ST6GALNAC3: variants seen among roughly 807,000 people sequenced by gnomAD.
ST6GALNAC3 encodes ST6 N-acetylgalactosaminide alpha-2,6-sialyltransferase 3.
Under a neutral mutation model 32.7 loss-of-function variants are expected in ST6GALNAC3, and 25 were observed. The ratio of observed to expected loss-of-function variants is 0.76; its 90% CI spans 0.56 to 1.07. ST6GALNAC3 has a LOEUF of 1.07. Among genes scored for constraint, ST6GALNAC3 ranks in the 50% least tolerant of loss-of-function variants. ST6GALNAC3 has a pLI of 0.00. For synonymous variants in ST6GALNAC3, 129 were observed against 133.1 expected (o/e 0.97, Z 0.21); for missense variants, 355 against 382.4 (o/e 0.93, Z 0.60).
At chr1:76,566,451 C>G (rs1476707842) in intron 3 of ST6GALNAC3, among the ~76,000 whole-genome samples, 1 of 152,104 alleles carries the variant, frequency 6.6e-6, no homozygotes, top group African/African-American at 2.4e-5. Context: ...TACAATGGCC[C>G]TGCAGGTTCC....
At chr1:76,466,004 C>T (rs1254039660) in intron 3 of ST6GALNAC3, among the ~76,000 whole-genome samples, 1 of 152,002 alleles carries the variant, frequency 6.6e-6, no homozygotes, top group Non-Finnish European at 1.5e-5. Flanking sequence ...TCTACAAGGA[C>T]CATTAGCTTA....
intron 1 of ST6GALNAC3, among the ~76,000 whole-genome samples, chr1:76,159,846 C>T (rs1651705281): frequency 6.6e-6 from 1 of 152,110 alleles, no homozygotes; most frequent in Admixed American, 6.5e-5. Context: ...TTTAATTTCC[C>T]CATCAACCCT....
At chr1:76,520,740 G>A (rs1422314701) in intron 3 of ST6GALNAC3, among the ~76,000 whole-genome samples, 1 of 151,914 alleles carries the variant, frequency 6.6e-6, no homozygotes, top group African/African-American at 2.4e-5. Context: ...ACTGTGATAT[G>A]ACCTTGTTTA....
At chr1:76,198,219 A>G (rs992309163) in intron 1 of ST6GALNAC3, among the ~76,000 whole-genome samples, 1 of 152,088 alleles carries the variant, frequency 6.6e-6, no homozygotes. Context: ...AAAAATTAGT[A>G]GATATGAAGT....
chr1:76,272,324 GAAAAAA>G (rs55839101), intron 1 of ST6GALNAC3, among the ~76,000 whole-genome samples: 20 of 112,060 alleles, frequency 1.8e-4, no homozygotes, highest in Non-Finnish European at 8.7e-5. Flanking sequence ...CTCAGTCTCG[GAAAAAA>G]AAAAAAAAAA....
Position 76,509,571 on chromosome 1 carries a change from A to G in ST6GALNAC3, c.623+97154A>G, listed in dbSNP as rs1661705034. ...AGTTAGGGGAATGTGTTAGTTTTCT[A>G]TTGCTGCTATAACAAATTATCACCA... On this transcript the variant is annotated intron_variant, in intron 3 of 4. Coordinates refer to ENST00000328299, the MANE Select transcript of ST6GALNAC3 (RefSeq NM_152996.4). The surrounding 1 kb of genome is among the most constrained non-coding windows in gnomAD (Gnocchi z 5.5). 6.6e-6 allele frequency among the ~76,000 whole-genome samples: 1 copy of G among 152,222 alleles called. No homozygotes were observed. Among genetic ancestry groups the G allele is most frequent in the Non-Finnish European group, 1.5e-5 (1 of 68,030 alleles).
intron 1 of ST6GALNAC3, among the ~76,000 whole-genome samples, chr1:76,130,554 G>A (rs995404510): frequency 6.6e-6 from 1 of 152,346 alleles, no homozygotes; most frequent in Admixed American, 6.5e-5. Flanking sequence ...ACCTGCTCAT[G>A]TAGTTGACCC....
intron 3 of ST6GALNAC3, among the ~76,000 whole-genome samples, chr1:76,493,049 T>C (rs2101698107): frequency 6.6e-6 from 1 of 152,130 alleles, no homozygotes; most frequent in African/African-American, 2.4e-5. Context: ...TTTTTTCTTA[T>C]TTTAAAGGTA....
intron 3 of ST6GALNAC3, among the ~76,000 whole-genome samples, chr1:76,428,500 C>T (rs1655543933): frequency 6.6e-6 from 1 of 151,996 alleles, no homozygotes; most frequent in South Asian, 2.1e-4. Flanking sequence ...AATGAGCCTA[C>T]TTCATGGTTG....
At chr1:76,580,366 C>T (rs528515451) in intron 3 of ST6GALNAC3, among the ~76,000 whole-genome samples, 1 of 152,242 alleles carries the variant, frequency 6.6e-6, no homozygotes, top group South Asian at 2.1e-4. Flanking sequence ...CTCCCTTTCA[C>T]TAGGCCTACG....
intron 1 of ST6GALNAC3, among the ~76,000 whole-genome samples, chr1:76,286,225 T>G (rs1486776241): frequency 6.6e-6 from 1 of 152,216 alleles, no homozygotes; most frequent in African/African-American, 2.4e-5. Context: ...TGGCTACCTT[T>G]GGAGCCTGTG....
chr1:76,470,245 C>T (rs543851503), intron 3 of ST6GALNAC3, among the ~76,000 whole-genome samples: 1 of 151,956 alleles, frequency 6.6e-6, no homozygotes, highest in Admixed American at 6.6e-5. Context: ...GTGCCTAGCA[C>T]TGTGAATCTC....
intron 1 of ST6GALNAC3, among the ~76,000 whole-genome samples, chr1:76,115,217 G>A (rs1169581028): frequency 2.6e-5 from 4 of 152,234 alleles, no homozygotes; most frequent in South Asian, 4.1e-4. Flanking sequence ...CAGGCACTTC[G>A]TGGTGGAAAT....
intron 1 of ST6GALNAC3, among the ~76,000 whole-genome samples, chr1:76,257,801 A>G (rs928882518): frequency 6.6e-6 from 1 of 152,152 alleles, no homozygotes; most frequent in African/African-American, 2.4e-5. Flanking sequence ...GATACTGGAA[A>G]AAAGAATAGG....
At chr1:76,184,828 G>C (rs2100479082) in intron 1 of ST6GALNAC3, among the ~76,000 whole-genome samples, 1 of 152,252 alleles carries the variant, frequency 6.6e-6, no homozygotes, top group Middle Eastern at 3.4e-3. Flanking sequence ...TGGTGTGTCA[G>C]ACTGTCTTAT....
At chr1:76,575,312 G>A (rs1185341127) in intron 3 of ST6GALNAC3, among the ~76,000 whole-genome samples, 1 of 152,072 alleles carries the variant, frequency 6.6e-6, no homozygotes, top group Non-Finnish European at 1.5e-5. Context: ...GAACCTGAAA[G>A]CTGGTGTCCT....
intron 2 of ST6GALNAC3, among the ~76,000 whole-genome samples, chr1:76,387,696 A>G (rs1182430258): frequency 6.6e-6 from 1 of 152,198 alleles, no homozygotes; most frequent in Non-Finnish European, 1.5e-5. Flanking sequence ...TTATAGCACT[A>G]AGTAATTTAG....
At chr1:76,636,186 C>A (rs1183867368), downstream of ST6GALNAC3, among the ~76,000 whole-genome samples, 2 of 152,186 alleles carry the variant, frequency 1.3e-5, no homozygotes, top group South Asian at 2.1e-4. Context: ...AATATGGTTT[C>A]TTTTGCCCAA....
chr1:76,240,948 C>T (rs1357237626), intron 1 of ST6GALNAC3, among the ~76,000 whole-genome samples: 1 of 152,154 alleles, frequency 6.6e-6, no homozygotes, highest in East Asian at 1.9e-4. Flanking sequence ...TACTTTTGCA[C>T]CTAACAGCTA....
Sources: allele counts gnomAD v4.1 joint callset (sites outside exome capture counted in the v4.1 genomes callset), GRCh38; gene constraint gnomAD v4.1.1; non-coding constraint Gnocchi (gnomAD v3.1); transcripts MANE v1.5; gene names NCBI Gene and HGNC (gene_info 2026-07-23, HGNC 2026-07-21).